Variants in PARP6 observed in about 807,000 individuals in gnomAD.
PARP6 encodes protein mono-ADP-ribosyltransferase PARP6.
PARP6 carries 27 observed loss-of-function variants against 92.0 expected under a neutral mutation model. The observed-to-expected ratio is 0.29, with a 90% CI of 0.22 to 0.40. The LOEUF is 0.40. PARP6 is among the 10% of genes least tolerant of loss of function. PARP6 has a pLI of 1.00. For synonymous variants in PARP6, 272 were observed against 281.2 expected (o/e 0.97, Z 0.33); for missense variants, 501 against 784.5 (o/e 0.64, Z 4.32).
At chr15:72,252,423 T>C (rs894415398) in intron 16 of PARP6, among the ~76,000 whole-genome samples, 1 of 152,250 alleles carries the variant, frequency 6.6e-6, no homozygotes, top group Non-Finnish European at 1.5e-5. Context: ...ATATGCTTAT[T>C]AGCTCTACTG....
At chr15:72,254,573 G>GT (rs750328153) in intron 14 of PARP6, 53 bp from the exon 15 acceptor site, 3 of 1,425,854 alleles carry the variant, frequency 2.1e-6, no homozygotes, top group East Asian at 4.5e-5. Flanking sequence ...GTAGAGGAAA[G>GT]TAAGATGTGA....
At chr15:72,247,058 A>G (rs1567168563) in intron 20 of PARP6, among the ~76,000 whole-genome samples, 1 of 152,270 alleles carries the variant, frequency 6.6e-6, no homozygotes, top group East Asian at 1.9e-4. Context: ...GCGCCCAGCC[A>G]AAAAGTACAC....
At chr15:72,249,162 G>T in intron 20 of PARP6, 83 bp downstream of exon 20, 1 of 723,860 alleles carries the variant, frequency 1.4e-6, no homozygotes. Context: ...TCCATAATGA[G>T]GGAGGAACAG....
Position 72,260,498 on chromosome 15 carries a change from G to T in PARP6, c.736C>A (p.Pro246Thr). Reference sequence around the variant, plus strand: ...TGTACCAAAGGAGAGGTCCGTGCTGGGGGAGGGAGGCCCACGTGCTGAGGG... The same window carrying T: ...TGTACCAAAGGAGAGGTCCGTGCTGTGGGAGGGAGGCCCACGTGCTGAGGG... Reference protein sequence around the residue: ...LCPQHVGLPPPARTSPLVSGH... With the variant: ...LCPQHVGLPPTARTSPLVSGH... Residue 246 changes from proline to threonine, a missense_variant, in exon 10 of 24, where the codon CCA becomes ACA. Transcript: ENST00000569795. 6.2e-7 allele frequency: 1 copy of T among 1,614,082 alleles called. No homozygotes were observed. The highest frequency in any genetic ancestry group is 1.1e-5 in the South Asian group (1 of 91,072).
chr15:72,260,924 C>T (rs1160045854), intron 9 of PARP6, among the ~76,000 whole-genome samples: 1 of 152,010 alleles, frequency 6.6e-6, no homozygotes, highest in African/African-American at 2.4e-5. Context: ...TGAGGGTGGG[C>T]AGAGGCAGAG....
chr15:72,249,380 C>A lies in PARP6; in HGVS notation c.1492-66G>T, dbSNP rs561902791. 586 of 885,972 alleles carry A rather than the reference C, an allele frequency of 6.6e-4. 2 individuals are homozygous for A. Among genetic ancestry groups the A allele is most frequent in the Non-Finnish European group, 1.1e-4 (59 of 542,146 alleles). The allele number at this position is 885,972 out of a possible 1,614,324, so 54.9% of individuals were successfully genotyped here. The stretch of plus-strand genomic sequence containing the variant: ...CCTCCCATGGCTATTTATTAGGCAG[C>A]AGCAAGGCTTATCCAGCCCTCTGTC... On this transcript the variant is annotated intron_variant, in intron 19 of 23. Coordinates refer to ENST00000569795, the MANE Select transcript of PARP6 (RefSeq NM_001323532.2).
chr15:72,261,575 G>A lies in PARP6; in HGVS notation c.528C>T (p.Ile176=), dbSNP rs2085897885. 2.5e-6 allele frequency: 4 copies of A among 1,614,156 alleles called. No homozygotes were observed. The African/African-American group carries it at 4.0e-5, about 16-fold the overall frequency. Residue 176 remains isoleucine (I), a synonymous_variant, in exon 9 of 24, where the codon ATC becomes ATT. Transcript: ENST00000569795. The part of the protein sequence containing the change: ...TIKKFRAGLS[I]FSPIPKSPSF... Reference sequence around the variant, plus strand: ...GCACTTACTTGGGGATGGGTGAAAAGATGCTGAGGCCAGCTCGGAACTTCT... The same window carrying A: ...GCACTTACTTGGGGATGGGTGAAAAAATGCTGAGGCCAGCTCGGAACTTCT...
intron 2 of PARP6, among the ~76,000 whole-genome samples, chr15:72,269,099 G>A (rs756086130): frequency 1.3e-5 from 2 of 152,146 alleles, no homozygotes; most frequent in Non-Finnish European, 2.9e-5. Flanking sequence ...TGCACACATC[G>A]CAGCTGAAGC....
At chr15:72,266,920 T>C in intron 3 of PARP6, 98 bp from the exon 4 acceptor site, 6 of 906,228 alleles carry the variant, frequency 6.6e-6, no homozygotes, top group South Asian at 4.0e-5. Context: ...CCCACAAAGA[T>C]TGGGAAATAT....
Position 72,242,330 on chromosome 15 carries a change from TC to T in PARP6, c.1642-111del. The T allele has an allele frequency of 1.2e-6, 1 of 852,792 alleles. No individual in the cohort carries two copies. Among genetic ancestry groups the T allele is most frequent in the Non-Finnish European group, 1.9e-6 (1 of 513,748 alleles). The allele number at this position is 852,792 out of a possible 1,614,324, so 52.8% of individuals were successfully genotyped here. A position where few individuals can be genotyped will look rare whatever the true frequency, so the allele number is the denominator to read the frequency against. On this transcript the variant is annotated intron_variant, in intron 21 of 23. Transcript: ENST00000569795. The surrounding 1 kb of genome is among the most constrained non-coding windows in gnomAD (Gnocchi z 4.3). ...AGTGGGGATCAGAGATATCCTGGGC[TC>T]CCAGCAACACCCCTCGCCGCCCAGA...
intron 8 of PARP6, among the ~76,000 whole-genome samples, chr15:72,262,859 T>A (rs898649340): frequency 3.9e-5 from 6 of 152,334 alleles, no homozygotes; most frequent in African/African-American, 1.4e-4. Flanking sequence ...TGGGATTTCA[T>A]CTGAGTGTTT....
At chr15:72,264,661 CTT>C (rs1181958654) in intron 7 of PARP6, 40 bp from the exon 8 acceptor site, 3 of 1,532,902 alleles carry the variant, frequency 2.0e-6, no homozygotes, top group Non-Finnish European at 1.8e-6. Flanking sequence ...GTACATATCT[CTT>C]GTCTTCCTGG....
intron 18 of PARP6, 39 bp from the exon 19 acceptor site, chr15:72,250,131 G>T: frequency 7.5e-7 from 1 of 1,326,658 alleles, no homozygotes; most frequent in South Asian, 1.2e-5. Flanking sequence ...CTTATGATAT[G>T]AGGTTCCCAG....
Position 72,258,073 on chromosome 15 carries a change from A to G in PARP6, c.870T>C (p.Asp290=). The change falls in exon 12 of 24, where the codon GAT becomes GAC. Residue 290 remains aspartate (D), a synonymous_variant. Coordinates refer to ENST00000569795, the MANE Select transcript of PARP6 (RefSeq NM_001323532.2). ...PTLNEYCVVC[D]EQHVFQNGSM... Reference sequence around the variant, plus strand: ...ATCCATTTTGGAAGACATGCTGCTCATCACACACCACACAGTACTCATTCA... The same window carrying G: ...ATCCATTTTGGAAGACATGCTGCTCGTCACACACCACACAGTACTCATTCA... 6.2e-7 allele frequency: 1 copy of G among 1,614,010 alleles called. No individual in the cohort carries two copies. Among genetic ancestry groups the G allele is most frequent in the Non-Finnish European group, 8.5e-7 (1 of 1,179,844 alleles).
intron 2 of PARP6, among the ~76,000 whole-genome samples, chr15:72,268,198 T>C (rs2086866592): frequency 6.6e-6 from 1 of 152,230 alleles, no homozygotes; most frequent in African/African-American, 2.4e-5. Flanking sequence ...CTACTTAAAC[T>C]GGAGAGCTGG....
intron 15 of PARP6, chr15:72,253,876 A>C: frequency 2.2e-6 from 1 of 452,900 alleles, no homozygotes. Context: ...CTGACAAGTA[A>C]ATCATTCCTC....
At chr15:72,253,125 T>C (rs929112717) in intron 16 of PARP6, among the ~76,000 whole-genome samples, 1 of 148,138 alleles carries the variant, frequency 6.8e-6, no homozygotes, top group Non-Finnish European at 1.5e-5. Context: ...CAGTGAACCA[T>C]GATCGCACCA....
chr15:72,244,380 G>C (rs2140891961), intron 20 of PARP6: 1 of 152,358 alleles, frequency 6.6e-6, no homozygotes, highest in Middle Eastern at 3.4e-3. Context: ...CCCAGAACCT[G>C]AGATCATGGT....
intron 18 of PARP6, 132 bp from the exon 19 acceptor site, chr15:72,250,224 G>A: frequency 1.5e-6 from 1 of 670,724 alleles, no homozygotes; most frequent in Non-Finnish European, 2.8e-6. Flanking sequence ...TGATGGACAT[G>A]CACATGGATA....
Sources: gnomAD v4.1 joint callset for allele counts (sites outside exome capture counted in the v4.1 genomes callset) on GRCh38, gnomAD v4.1.1 for gene constraint, Gnocchi (gnomAD v3.1) non-coding constraint, MANE v1.5 for transcripts, NCBI Gene and HGNC (gene_info 2026-07-23, HGNC 2026-07-21) for gene names.